Variants in PIK3C2B observed in about 807,000 individuals in gnomAD.
PIK3C2B encodes phosphatidylinositol-4-phosphate 3-kinase catalytic subunit type 2 beta, also known as phosphatidylinositol 4-phosphate 3-kinase C2 domain-containing subunit beta.
In PIK3C2B, 83 loss-of-function variants were observed where a neutral mutation model predicts 184.3. That is an observed-to-expected ratio of 0.45 (90% confidence interval 0.38 to 0.54). The LOEUF is 0.54. Ranked by LOEUF, PIK3C2B falls within the 20% of genes least tolerant of loss-of-function variation. PIK3C2B has a pLI of 0.00. For missense variants in PIK3C2B, 1,736 were observed against 2,113.5 expected, an observed-to-expected ratio of 0.82 and a Z score of 3.50; for synonymous variants, 779 against 837.6, an observed-to-expected ratio of 0.93 and a Z score of 1.21.
At position 204,474,151 on chromosome 1, in the gene PIK3C2B, G is replaced by A. The variant is rs557367786; in HGVS notation, c.-84-4265C>T. ...GGATTGCAGGCATGCGCCACCACGCGCAGCTAATTTTGTATTTTTAGTAGA... is the reference window on the plus strand; with the variant it reads ...GGATTGCAGGCATGCGCCACCACGCACAGCTAATTTTGTATTTTTAGTAGA... On this transcript the variant is annotated intron_variant, in intron 1 of 32. Transcript: ENST00000684373. Among the ~76,000 whole-genome samples, 23 of 152,156 alleles carry A rather than the reference G, an allele frequency of 1.5e-4. 1 individual carries two copies. In the South Asian group the frequency reaches 4.4e-3, roughly 29 times the overall value.
At chr1:204,456,895 CACACACACACACCCACACACACACACACA>C (rs1266983188) in intron 10 of PIK3C2B, 113 bp downstream of exon 10, 31 of 544,524 alleles carry the variant, frequency 5.7e-5, no homozygotes, top group Middle Eastern at 4.6e-4. Flanking sequence ...CACACACACA[CACACACACACACCCACACACACACACACA>C]CCAGCCGAAC....
intron 3 of PIK3C2B, 28 bp from the exon 4 acceptor site, chr1:204,464,632 T>C (rs1655606593): frequency 3.7e-6 from 6 of 1,608,108 alleles, no homozygotes; most frequent in Non-Finnish European, 5.1e-6. Context: ...AAACCCTCAC[T>C]GTGCCTTTAG....
intron 8 of PIK3C2B, 74 bp downstream of exon 8, chr1:204,459,804 G>A: frequency 3.2e-6 from 4 of 1,260,410 alleles, no homozygotes; most frequent in East Asian, 4.6e-5. Flanking sequence ...AGTGCTGGGT[G>A]ATCCCAGGAG....
In PIK3C2B at chr1:204,464,019, G is replaced by A. The variant is rs1455935076; in HGVS notation, c.1303C>T (p.Leu435=). ...TCCCACCCATTCACTCACTTCTGCA[G>A]GAACTCCTCCAGCCCGCAGGGCTTT... ...VLKPCGLEEF[L]QNKHALGSHE... The change falls in exon 5 of 33, where the codon CTG becomes TTG. Residue 435 remains leucine, a synonymous_variant. Coordinates refer to ENST00000684373, the MANE Select transcript of PIK3C2B (RefSeq NM_001377334.1). 8.1e-6 allele frequency: 13 copies of A among 1,613,924 alleles called. No homozygotes were observed. Among genetic ancestry groups the A allele is most frequent in the African/African-American group, 1.3e-5 (1 of 74,928 alleles).
intron 1 of PIK3C2B, among the ~76,000 whole-genome samples, chr1:204,493,988 T>A (rs949235620): frequency 6.6e-6 from 1 of 152,266 alleles, no homozygotes; most frequent in Non-Finnish European, 1.5e-5. Flanking sequence ...TTGCTTTTTT[T>A]ATTTCTTATC....
chr1:204,481,099 TC>T (rs1323484339), intron 1 of PIK3C2B, among the ~76,000 whole-genome samples: 1 of 146,552 alleles, frequency 6.8e-6, no homozygotes, highest in Non-Finnish European at 1.5e-5. Context: ...CATCTATGTC[TC>T]CCCGCTACAT....
At chr1:204,476,967 C>T (rs554091456) in intron 1 of PIK3C2B, among the ~76,000 whole-genome samples, 1 of 152,370 alleles carries the variant, frequency 6.6e-6, no homozygotes, top group South Asian at 2.1e-4. Flanking sequence ...CATTTCTCCA[C>T]ATTTGCTCTC....
intron 1 of PIK3C2B, among the ~76,000 whole-genome samples, chr1:204,470,486 G>C (rs576776549): frequency 1.1e-4 from 16 of 152,308 alleles, no homozygotes; most frequent in African/African-American, 3.6e-4. Flanking sequence ...CCTTCTATTA[G>C]CCAAGAAGAA....
intron 1 of PIK3C2B, among the ~76,000 whole-genome samples, chr1:204,472,098 G>A (rs999567378): frequency 1.3e-5 from 2 of 152,040 alleles, no homozygotes; most frequent in African/African-American, 4.8e-5. Flanking sequence ...ACAAATGGTG[G>A]TAACGACAAG....
Position 204,440,191 on chromosome 1 carries a change from C to T in PIK3C2B, c.3379+1G>A. ...CACCCTCACCCCTACTCCCAACTGA[C>T]CTCTGCCCCGGCCGGTGGAGAAGCA... On this transcript the variant is annotated splice_donor_variant, in intron 22 of 32. Coordinates refer to ENST00000684373, the MANE Select transcript of PIK3C2B (RefSeq NM_001377334.1). LOFTEE classifies it high-confidence loss of function. 4 of 1,611,976 alleles carry T rather than the reference C, an allele frequency of 2.5e-6. No individual in the cohort carries two copies. Among genetic ancestry groups the T allele is most frequent in the Non-Finnish European group, 3.4e-6 (4 of 1,178,866 alleles).
At chr1:204,426,054 C>T (rs1231802522) in intron 31 of PIK3C2B, among the ~76,000 whole-genome samples, 2 of 152,186 alleles carry the variant, frequency 1.3e-5, no homozygotes, top group Admixed American at 6.5e-5. Flanking sequence ...ATCTTCCTGC[C>T]ATATCTACTA....
chr1:204,452,648 G>C (rs1654473260), intron 12 of PIK3C2B, among the ~76,000 whole-genome samples: 1 of 96,986 alleles, frequency 1.0e-5, no homozygotes, highest in Admixed American at 1.4e-4. Flanking sequence ...CACACCCCAT[G>C]TCCTTTTTTT....
intron 12 of PIK3C2B, among the ~76,000 whole-genome samples, chr1:204,454,089 A>G (rs996093351): frequency 1.3e-5 from 2 of 152,146 alleles, no homozygotes; most frequent in East Asian, 1.9e-4. Flanking sequence ...ACTAAAATTT[A>G]TATGTTTTTT....
At chr1:204,427,835 C>G (rs190255506) in intron 30 of PIK3C2B, 81 bp from the exon 31 acceptor site, 2 of 946,314 alleles carry the variant, frequency 2.1e-6, no homozygotes, top group African/African-American at 3.3e-5. Context: ...CTTGCCCCAG[C>G]CTCTCCATGT....
chr1:204,486,368 C>T (rs1371632942), intron 1 of PIK3C2B, among the ~76,000 whole-genome samples: 1 of 143,818 alleles, frequency 7.0e-6, no homozygotes, highest in Non-Finnish European at 1.5e-5. Context: ...GCACTCCAGC[C>T]TGGGTGACAG....
rs941254664 is a variant in PIK3C2B at position 204,464,393 on chromosome 1, G to A, written c.1189+57C>T. On this transcript the variant is annotated intron_variant, in intron 4 of 32. Coordinates refer to ENST00000684373, the MANE Select transcript of PIK3C2B (RefSeq NM_001377334.1). The stretch of plus-strand genomic sequence containing the variant: ...GAGGTGGAAATCGAGTCAAAACACA[G>A]TCATCCCCACCCCACTTCAAGGGAT... 6.6e-6 allele frequency: 10 copies of A among 1,523,038 alleles called. No homozygotes were observed. The African/African-American group carries it at 1.2e-4, about 19-fold the overall frequency. The allele number at this position is 1,523,038 out of a possible 1,614,324, so 94.3% of individuals were successfully genotyped here.
chr1:204,453,771 C>T (rs1038431286), intron 12 of PIK3C2B, among the ~76,000 whole-genome samples: 2 of 82,032 alleles, frequency 2.4e-5, no homozygotes, highest in Non-Finnish European at 5.7e-5. Context: ...TAACAACTAA[C>T]ATTTAATTTT....
rs938429018 is a variant in PIK3C2B at position 204,460,554 on chromosome 1, C to T, written c.1418G>A (p.Arg473Gln). Residue 473 changes from arginine to glutamine, a missense_variant, in exon 6 of 33, where the codon CGG becomes CAG. Arg to Gln is a conservative substitution (Grantham distance 43). This residue lies in a region of PIK3C2B where 609 missense variants were observed against 699.2 expected (regional missense o/e 0.87). Transcript: ENST00000684373. ...EQKVVRSDLARTVNDDQSPST... is the reference protein window; with the variant it reads ...EQKVVRSDLAQTVNDDQSPST... ...CTCCACCACCCTCACACGAACCGTC[C>T]GGGCCAGGTCACTGCGCACAACCTT... 4.3e-6 allele frequency: 7 copies of T among 1,613,138 alleles called. No individual in the cohort carries two copies. Among genetic ancestry groups the T allele is most frequent in the African/African-American group, 2.7e-5 (2 of 75,000 alleles).
At chr1:204,457,197 TC>T in intron 9 of PIK3C2B, 127 bp from the exon 10 acceptor site, 2 of 731,650 alleles carry the variant, frequency 2.7e-6, no homozygotes, top group Non-Finnish European at 4.6e-6. Flanking sequence ...TAGCTGAGAA[TC>T]CCCAGAGAGG....
Sources: gnomAD v4.1 joint callset for allele counts (sites outside exome capture counted in the v4.1 genomes callset) on GRCh38, gnomAD v4.1.1 for gene constraint, gnomAD v4.1.1 regional missense constraint, MANE v1.5 for transcripts, NCBI Gene and HGNC (gene_info 2026-07-23, HGNC 2026-07-21) for gene names.